Variants in LRRC52 observed in about 807,000 individuals in gnomAD.
The protein encoded by LRRC52 is leucine-rich repeat-containing protein 52.
LRRC52 carries 15 observed loss-of-function variants against 14.7 expected under a neutral mutation model. The ratio of observed to expected loss-of-function variants is 1.02; its 90% CI spans 0.68 to 1.58. The LOEUF is 1.58. LRRC52 is among the 40% of genes most tolerant of loss of function. The pLI is 0.00. For synonymous variants in LRRC52, 180 were observed against 163.9 expected (o/e 1.10, Z -0.75); for missense variants, 400 against 387.7 (o/e 1.03, Z -0.27).
chr1:165,558,304 GGAT>G (rs1661278953), intron 1 of LRRC52, among the ~76,000 whole-genome samples: 1 of 152,160 alleles, frequency 6.6e-6, no homozygotes, highest in Admixed American at 6.5e-5. Flanking sequence ...CTGAGGAAAG[GGAT>G]GGCATAAAGT....
At chr1:165,549,387 T>A (rs1013933248) in intron 1 of LRRC52, among the ~76,000 whole-genome samples, 1 of 152,236 alleles carries the variant, frequency 6.6e-6, no homozygotes, top group Non-Finnish European at 1.5e-5. Flanking sequence ...ATGGTATAAC[T>A]GAGCAATAAA....
intron 1 of LRRC52, among the ~76,000 whole-genome samples, chr1:165,550,358 GTCT>G (rs1661107524): frequency 6.6e-6 from 1 of 152,214 alleles, no homozygotes; most frequent in East Asian, 1.9e-4. Context: ...AGGGTAAATA[GTCT>G]ATATATATGG....
chr1:165,544,497 T>C lies in LRRC52; in HGVS notation c.201T>C (p.Ser67=). ...RLFLNENRIT[S]LPAMHLGLLS... ...TCCTGAACGAGAACAGAATCACTAG[T>C]TTGCCAGCAATGCATCTAGGACTCC... Residue 67 remains serine (S), a synonymous_variant, in exon 1 of 2, where the codon AGT becomes AGC. Coordinates refer to ENST00000294818, the MANE Select transcript of LRRC52 (RefSeq NM_001005214.4). 6.2e-7 allele frequency: 1 copy of C among 1,614,148 alleles called. No homozygotes were observed. The highest frequency in any genetic ancestry group is 1.3e-5 in the African/African-American group (1 of 75,036).
chr1:165,544,827 G>A lies in LRRC52; in HGVS notation c.531G>A (p.Glu177=). The change falls in exon 1 of 2, where the codon GAG becomes GAA. Residue 177 remains glutamate, a synonymous_variant. Coordinates refer to ENST00000294818, the MANE Select transcript of LRRC52 (RefSeq NM_001005214.4). ...SAALYHLTTL[E]TLFLSGNPWK... ...CCTTATACCACCTCACTACTCTGGAGACCCTGTTTCTGAGTGGAAACCCCT... is the reference window on the plus strand; with the variant it reads ...CCTTATACCACCTCACTACTCTGGAAACCCTGTTTCTGAGTGGAAACCCCT... 6.2e-7 allele frequency: 1 copy of A among 1,613,804 alleles called. No homozygotes were observed. Among genetic ancestry groups the A allele is most frequent in the Non-Finnish European group, 8.5e-7 (1 of 1,179,818 alleles).
At chr1:165,552,468 T>G (rs777029946) in intron 1 of LRRC52, among the ~76,000 whole-genome samples, 4 of 152,100 alleles carry the variant, frequency 2.6e-5, no homozygotes. Context: ...CTGGGGAACA[T>G]GCAATATATC....
chr1:165,550,317 T>A (rs1661106242), intron 1 of LRRC52, among the ~76,000 whole-genome samples: 1 of 152,212 alleles, frequency 6.6e-6, no homozygotes, highest in Non-Finnish European at 1.5e-5. Flanking sequence ...CAAAGTCTGC[T>A]CTAATGCTGT....
chr1:165,554,122 T>C (rs1661187042), intron 1 of LRRC52, among the ~76,000 whole-genome samples: 1 of 152,180 alleles, frequency 6.6e-6, no homozygotes, highest in African/African-American at 2.4e-5. Flanking sequence ...AGTGCCTATT[T>C]CCTCAAGTTG....
intron 1 of LRRC52, among the ~76,000 whole-genome samples, chr1:165,545,549 AT>A (rs1354740620): frequency 4.6e-5 from 7 of 152,112 alleles, no homozygotes; most frequent in African/African-American, 1.7e-4. Flanking sequence ...GAAGGAGAGA[AT>A]GGCATGAATC....
chr1:165,557,333 T>C (rs115929354), intron 1 of LRRC52, among the ~76,000 whole-genome samples: 6,060 of 152,110 alleles, frequency 0.04, 392 homozygotes, highest in African/African-American at 0.14. Flanking sequence ...CAGACTCTCA[T>C]AGGGATTGGT....
At chr1:165,548,436 C>T (rs78078866) in intron 1 of LRRC52, among the ~76,000 whole-genome samples, 1,639 of 152,284 alleles carry the variant, frequency 0.011, 17 homozygotes, top group Middle Eastern at 0.02. Flanking sequence ...GTCATCTGTG[C>T]CATATCTATG....
chr1:165,544,226 C>CCCCCGCCG lies in LRRC52; in HGVS notation c.-71_-70insCCCCGCCG. ...GAGCCCCTCCCCCGCCCCACCCCCC[C>CCCCCGCCG]ACCGGCAGCCTTCGGATCAGAGGAC... On this transcript the variant is annotated 5_prime_UTR_variant, in exon 1 of 2. Coordinates refer to ENST00000294818, the MANE Select transcript of LRRC52 (RefSeq NM_001005214.4). 5.4e-6 allele frequency: 3 copies of CCCCCGCCG among 560,348 alleles called. No individual in the cohort carries two copies. Among genetic ancestry groups the CCCCCGCCG allele is most frequent in the Non-Finnish European group, 9.2e-6 (3 of 326,444 alleles). The allele number at this position is 560,348 out of a possible 1,614,324, so 34.7% of individuals were successfully genotyped here.
At chr1:165,551,264 A>G (rs1661125553) in intron 1 of LRRC52, among the ~76,000 whole-genome samples, 1 of 152,186 alleles carries the variant, frequency 6.6e-6, no homozygotes, top group Non-Finnish European at 1.5e-5. Flanking sequence ...AGTGCTTCTC[A>G]AACTCTAATG....
intron 1 of LRRC52, among the ~76,000 whole-genome samples, chr1:165,551,922 A>G (rs1421853922): frequency 1.3e-5 from 2 of 151,754 alleles, no homozygotes; most frequent in African/African-American, 4.8e-5. Context: ...TTCCACTATC[A>G]ATGCTTACCC....
chr1:165,560,144 T>A (rs954327769), intron 1 of LRRC52, among the ~76,000 whole-genome samples: 1 of 152,190 alleles, frequency 6.6e-6, no homozygotes, highest in African/African-American at 2.4e-5. Flanking sequence ...CTGGGAATAC[T>A]TTTTTTCTCA....
intron 1 of LRRC52, among the ~76,000 whole-genome samples, chr1:165,555,831 G>A (rs143916704): frequency 1.6e-3 from 243 of 152,352 alleles, no homozygotes; most frequent in African/African-American, 5.4e-3. Context: ...GGCTCCTGGG[G>A]TTTCACAATG....
chr1:165,550,939 C>T (rs192586), intron 1 of LRRC52, among the ~76,000 whole-genome samples: 141,656 of 152,176 alleles, frequency 0.93, 66,231 homozygotes, highest in East Asian at 1. Context: ...GGTTAGAGAT[C>T]CTCAAAGGCC....
chr1:165,556,395 A>G lies in LRRC52; in HGVS notation c.623-7110A>G, dbSNP rs11804882. ...TATAGACTCTATATACAAGGGGGGG[A>G]AATTGTGAATACCAGATAAGAATTA... On this transcript the variant is annotated intron_variant, in intron 1 of 1. Transcript: ENST00000294818. Among the ~76,000 whole-genome samples, 612 of 146,224 alleles carry G rather than the reference A, an allele frequency of 4.2e-3. 1 individual carries two copies. Among genetic ancestry groups the G allele is most frequent in the Non-Finnish European group, 7.5e-3 (490 of 65,600 alleles).
At chr1:165,546,674 C>T (rs1661027435) in intron 1 of LRRC52, among the ~76,000 whole-genome samples, 1 of 152,022 alleles carries the variant, frequency 6.6e-6, no homozygotes, top group Non-Finnish European at 1.5e-5. Context: ...CCCCAGATGA[C>T]AAGAGTAACA....
chr1:165,552,653 C>T (rs1661157347), intron 1 of LRRC52, among the ~76,000 whole-genome samples: 1 of 152,164 alleles, frequency 6.6e-6, no homozygotes. Flanking sequence ...TGAACTAGCT[C>T]CTCTCATAGT....
Sources: gnomAD v4.1 joint callset for allele counts (sites outside exome capture counted in the v4.1 genomes callset) on GRCh38, gnomAD v4.1.1 for gene constraint, MANE v1.5 for transcripts, NCBI Gene and HGNC (gene_info 2026-07-23, HGNC 2026-07-21) for gene names.